Variants in CSMD1 observed in about 807,000 individuals in gnomAD.
CSMD1 encodes CUB and Sushi multiple domains 1.
CSMD1 carries 213 observed loss-of-function variants against 417.5 expected under a neutral mutation model. The ratio of observed to expected loss-of-function variants is 0.51; its 90% CI spans 0.46 to 0.57. The LOEUF (loss-of-function observed/expected upper bound fraction) is 0.57. Among genes scored for constraint, CSMD1 ranks in the 20% least tolerant of loss-of-function variants. The pLI is 0.00. For synonymous variants in CSMD1, 2,862 were observed against 1,736.8 expected (o/e 1.65, Z -16.11); for missense variants, 6,923 against 4,529.7 (o/e 1.53, Z -15.17).
chr8:3,932,779 G>A (rs531887951), intron 5 of CSMD1, among the ~76,000 whole-genome samples: 1 of 150,410 alleles, frequency 6.6e-6, no homozygotes, highest in African/African-American at 2.4e-5. Flanking sequence ...GGTTAATGAA[G>A]CTGAGTTTTC....
chr8:3,647,485 A>C (rs572766667), intron 7 of CSMD1, among the ~76,000 whole-genome samples: 1 of 152,244 alleles, frequency 6.6e-6, no homozygotes, highest in African/African-American at 2.4e-5. Context: ...ATAAAAAGAA[A>C]TATAGCACAG....
intron 3 of CSMD1, among the ~76,000 whole-genome samples, chr8:4,208,106 G>T (rs1195997906): frequency 6.6e-6 from 1 of 152,096 alleles, no homozygotes; most frequent in Admixed American, 6.5e-5. Context: ...ATCAGGACAA[G>T]CAATTTCATA....
At chr8:3,903,183 GTTC>G (rs1807877422) in intron 5 of CSMD1, among the ~76,000 whole-genome samples, 2 of 152,038 alleles carry the variant, frequency 1.3e-5, no homozygotes. Context: ...AGTATTAAGT[GTTC>G]TTCTTACCCT....
At chr8:4,802,743 C>T (rs1798371841) in intron 1 of CSMD1, among the ~76,000 whole-genome samples, 1 of 152,096 alleles carries the variant, frequency 6.6e-6, no homozygotes, top group African/African-American at 2.4e-5. Context: ...TTAAATATGT[C>T]AACAATCATT....
chr8:3,634,219 G>A (rs1341372441), intron 7 of CSMD1, among the ~76,000 whole-genome samples: 1 of 152,160 alleles, frequency 6.6e-6, no homozygotes, highest in Non-Finnish European at 1.5e-5. Context: ...GATAGTCTAT[G>A]TGTTCACGTG....
intron 1 of CSMD1, among the ~76,000 whole-genome samples, chr8:4,937,174 C>T (rs192237822): frequency 0.023 from 3,457 of 152,208 alleles, 44 homozygotes; most frequent in Middle Eastern, 0.078. Flanking sequence ...GATCCTGAGA[C>T]TGCATTACAG....
intron 29 of CSMD1, among the ~76,000 whole-genome samples, chr8:3,218,328 G>A (rs191621569): frequency 9.9e-5 from 15 of 152,218 alleles, no homozygotes; most frequent in Non-Finnish European, 1.5e-4. Flanking sequence ...TTGGGAGGCC[G>A]AGGTGGGAGG....
At chr8:4,778,326 T>C (rs1466313982) in intron 1 of CSMD1, among the ~76,000 whole-genome samples, 1 of 152,212 alleles carries the variant, frequency 6.6e-6, no homozygotes, top group Non-Finnish European at 1.5e-5. Flanking sequence ...TGATACCATA[T>C]GTGGCCTATG....
intron 25 of CSMD1, among the ~76,000 whole-genome samples, chr8:3,285,037 A>G (rs57337567): frequency 5.3e-5 from 8 of 152,154 alleles, no homozygotes; most frequent in African/African-American, 9.7e-5. Flanking sequence ...AGCAGGATCT[A>G]TGTAGTCCTA....
At chr8:3,907,955 G>A (rs539215780) in intron 5 of CSMD1, among the ~76,000 whole-genome samples, 3 of 152,152 alleles carry the variant, frequency 2.0e-5, no homozygotes, top group African/African-American at 7.2e-5. Flanking sequence ...GGGGGGTGTG[G>A]GGAGAGTGGT....
At chr8:4,250,504 G>C (rs764129826) in intron 3 of CSMD1, among the ~76,000 whole-genome samples, 24 of 152,072 alleles carry the variant, frequency 1.6e-4, no homozygotes, top group Non-Finnish European at 4.4e-5. Flanking sequence ...AATGACTCTT[G>C]GTGGAATTAT....
rs1585116296 is a variant in CSMD1, at chr8:3,711,693, G to A, written c.932-3202C>T. ...GGTTCTCCTGGTGGCACACTCAGAAGTCCTCTGCCAGCTCTCCCCAGGATA... is the reference window on the plus strand; with the variant it reads ...GGTTCTCCTGGTGGCACACTCAGAAATCCTCTGCCAGCTCTCCCCAGGATA... On this transcript the variant is annotated intron_variant, in intron 6 of 69. Coordinates refer to ENST00000635120, the MANE Select transcript of CSMD1 (RefSeq NM_033225.6). Among the ~76,000 whole-genome samples, 3 of 152,154 alleles carry A rather than the reference G, an allele frequency of 2.0e-5. No homozygotes were observed. In the South Asian group the frequency reaches 6.2e-4, roughly 32 times the overall value.
At chr8:3,268,289 ATTTTTTT>A (rs1163842745) in intron 26 of CSMD1, among the ~76,000 whole-genome samples, 5,682 of 84,410 alleles carry the variant, frequency 0.067, 132 homozygotes, top group Middle Eastern at 0.15. Flanking sequence ...TTCATTTCCT[ATTTTTTT>A]TTTTTTTTTT....
chr8:4,643,819 G>A (rs958922512), intron 1 of CSMD1, among the ~76,000 whole-genome samples: 2 of 152,194 alleles, frequency 1.3e-5, no homozygotes, highest in Non-Finnish European at 2.9e-5. Context: ...ATGATTTAAA[G>A]TGCCGTTCCG....
intron 3 of CSMD1, among the ~76,000 whole-genome samples, chr8:4,066,944 A>G (rs766090835): frequency 6.6e-6 from 1 of 152,236 alleles, no homozygotes; most frequent in Non-Finnish European, 1.5e-5. Context: ...TGTATTGTGT[A>G]AATACCCTCA....
intron 2 of CSMD1, among the ~76,000 whole-genome samples, chr8:4,464,654 C>T (rs972672557): frequency 1.3e-5 from 2 of 152,042 alleles, no homozygotes. Flanking sequence ...CATGGTAAGT[C>T]AGGGGCCGCC....
chr8:4,547,910 T>G (rs1015884752), intron 2 of CSMD1, among the ~76,000 whole-genome samples: 6 of 152,018 alleles, frequency 3.9e-5, no homozygotes, highest in African/African-American at 1.4e-4. Context: ...CATGACAAAA[T>G]AAAGGCCGAG....
chr8:3,965,394 T>C (rs12680491), intron 5 of CSMD1, among the ~76,000 whole-genome samples: 43,471 of 152,066 alleles, frequency 0.29, 6,590 homozygotes, highest in East Asian at 0.54. Flanking sequence ...ACAAATACAT[T>C]GCCTTAGAGA....
chr8:4,654,096 G>A (rs1309842494), intron 1 of CSMD1, among the ~76,000 whole-genome samples: 5 of 151,964 alleles, frequency 3.3e-5, no homozygotes, highest in African/African-American at 1.2e-4. Context: ...TTCTTTCCCG[G>A]TGCAAACCAG....
Sources: allele counts gnomAD v4.1 joint callset (sites outside exome capture counted in the v4.1 genomes callset), GRCh38; gene constraint gnomAD v4.1.1; transcripts MANE v1.5; gene names NCBI Gene and HGNC (gene_info 2026-07-23, HGNC 2026-07-21).